The following OARD1 variants were observed in gnomAD, a reference collection of about 807,000 sequenced individuals.
OARD1 encodes O-acyl-ADP-ribose deacylase 1, also known as ADP-ribose glycohydrolase OARD1.
Under a neutral mutation model 19.7 loss-of-function variants are expected in OARD1, and 19 were observed. The observed-to-expected ratio is 0.96, with a 90% CI of 0.67 to 1.41. The LOEUF (loss-of-function observed/expected upper bound fraction) is 1.41. OARD1 is among the 40% of genes most tolerant of loss of function. The pLI is 0.00. For synonymous variants in OARD1, 70 were observed against 61.8 expected, an observed-to-expected ratio of 1.13 and a Z score of -0.62; for missense variants, 190 against 183.8, an observed-to-expected ratio of 1.03 and a Z score of -0.20.
In OARD1 at chr6:41,067,282, G is replaced by T; in HGVS notation, c.*53C>A. 1 of 1,191,794 alleles carries T rather than the reference G, an allele frequency of 8.4e-7. No individual in the cohort carries two copies. Among genetic ancestry groups the T allele is most frequent in the South Asian group, 1.2e-5 (1 of 80,434 alleles). The allele number at this position is 1,191,794 out of a possible 1,614,324, so 73.8% of individuals were successfully genotyped here. On this transcript the variant is annotated 3_prime_UTR_variant, in exon 6 of 6. Coordinates refer to ENST00000424266, the MANE Select transcript of OARD1 (RefSeq NM_001329686.2). Reference sequence around the variant, plus strand: ...TAAGGTAGGTTTGCCCGGTCCTATGGCCCAGTAGAGATGACACAGGAGAAC... The same window carrying T: ...TAAGGTAGGTTTGCCCGGTCCTATGTCCCAGTAGAGATGACACAGGAGAAC...
rs1762973427 is a variant in OARD1 at position 41,065,504 on chromosome 6, C to T, written c.*1831G>A. On this transcript the variant is annotated 3_prime_UTR_variant, in exon 6 of 6. Transcript: ENST00000424266. ...GTTTCTTATCCCCCACTCTCACTTT[C>T]AATTTTGTGTATTTAGATAATCTCT... is the stretch of plus-strand genomic sequence containing the variant. 1 of 152,144 alleles carries T rather than the reference C, an allele frequency of 6.6e-6. No individual in the cohort carries two copies. The highest frequency in any genetic ancestry group is 1.5e-5 in the Non-Finnish European group (1 of 68,012). The allele number at this position is 152,144 out of a possible 1,614,324, so 9.4% of individuals were successfully genotyped here. A position where few individuals can be genotyped will look rare whatever the true frequency, so the allele number is the denominator to read the frequency against.
chr6:41,092,591 G>A (rs1010842138), intron 1 of OARD1, among the ~76,000 whole-genome samples: 22 of 152,114 alleles, frequency 1.4e-4, no homozygotes, highest in African/African-American at 5.3e-4. Context: ...TTTTTGTGCT[G>A]TTTTTTTGTC....
rs1763001967 is a variant in OARD1 at position 41,066,203 on chromosome 6, T to C, written c.*1132A>G. 1.3e-5 allele frequency: 2 copies of C among 152,202 alleles called. No homozygotes were observed. The highest frequency in any genetic ancestry group is 2.9e-5 in the Non-Finnish European group (2 of 68,072). The allele number at this position is 152,202 out of a possible 1,614,324, so 9.4% of individuals were successfully genotyped here. On this transcript the variant is annotated 3_prime_UTR_variant, in exon 6 of 6. Coordinates refer to ENST00000424266, the MANE Select transcript of OARD1 (RefSeq NM_001329686.2). The stretch of plus-strand genomic sequence containing the variant: ...GTGCAGTGGCACAATCACAGCTCAA[T>C]GCAACTTCAACCTCCCAGGCTCAAG...
At chr6:41,081,981 T>C (rs1007089835) in intron 1 of OARD1, among the ~76,000 whole-genome samples, 17 of 152,248 alleles carry the variant, frequency 1.1e-4, no homozygotes, top group African/African-American at 4.1e-4. Flanking sequence ...CTACTCTGTG[T>C]ATGTAGGTTA....
At chr6:41,095,611 TG>T (rs1764331965) in intron 1 of OARD1, among the ~76,000 whole-genome samples, 2 of 152,180 alleles carry the variant, frequency 1.3e-5, no homozygotes, top group South Asian at 4.1e-4. Flanking sequence ...TTAAATTTTT[TG>T]TAGAAATGGA....
In OARD1 at chr6:41,066,418, GA is replaced by G. The variant is rs1426729206; in HGVS notation, c.*916del. 2.6e-5 allele frequency: 4 copies of G among 152,108 alleles called. No homozygotes were observed. Among genetic ancestry groups the G allele is most frequent in the Admixed American group, 2.6e-4 (4 of 15,276 alleles). The allele number at this position is 152,108 out of a possible 1,614,324, so 9.4% of individuals were successfully genotyped here. On this transcript the variant is annotated 3_prime_UTR_variant, in exon 6 of 6. Coordinates refer to ENST00000424266, the MANE Select transcript of OARD1 (RefSeq NM_001329686.2). ...CAAAGTGCTGAGATGACAGGTATGA[GA>G]ATTTTTTGAGAGGAAGTGGCCTTTA...
Position 41,067,167 on chromosome 6 carries a change from C to G in OARD1, c.*168G>C. 1 of 435,392 alleles carries G rather than the reference C, an allele frequency of 2.3e-6. No homozygotes were observed. The highest frequency in any genetic ancestry group is 4.2e-6 in the Non-Finnish European group (1 of 235,730). 27.0% of individuals were successfully genotyped at this position (435,392 alleles called of 1,614,324 possible). A position where few individuals can be genotyped will look rare whatever the true frequency, so the allele number is the denominator to read the frequency against. ...CCACATATCTTAAGCAAGCCCTCCTCCACAGTCATAATCCAAATACTTGAA... is the reference window on the plus strand; with the variant it reads ...CCACATATCTTAAGCAAGCCCTCCTGCACAGTCATAATCCAAATACTTGAA... On this transcript the variant is annotated 3_prime_UTR_variant, in exon 6 of 6. Transcript: ENST00000424266.
intron 1 of OARD1, chr6:41,091,493 G>T (rs766863453): frequency 4.4e-6 from 7 of 1,607,184 alleles, no homozygotes; most frequent in Non-Finnish European, 8.5e-7. Context: ...CTGTGTGCCT[G>T]TTTTTTGTTT....
chr6:41,069,583 T>C, intron 4 of OARD1: 1 of 199,458 alleles, frequency 5.0e-6, no homozygotes, highest in Non-Finnish European at 1.0e-5. Flanking sequence ...AATGCCATCC[T>C]GGACTGTTGA....
At chr6:41,089,832 A>G in intron 1 of OARD1, 1 of 1,402,018 alleles carries the variant, frequency 7.1e-7, no homozygotes. Flanking sequence ...AAAAAAATAT[A>G]TTTTTGGCCG....
chr6:41,089,532 A>T lies in OARD1; in HGVS notation c.-42+8181T>A, dbSNP rs182801943. On this transcript the variant is annotated intron_variant, in intron 1 of 4. Transcript: ENST00000480585. ...GGATAACTCTCGGGGACCAAAGGAG[A>T]CCAGTGTCAGTAGAGTACAATCCTT... The T allele has an allele frequency of 7.3e-6, 11 of 1,505,206 alleles. No homozygotes were observed. In the Admixed American group the frequency reaches 2.4e-4, roughly 33 times the overall value. The allele number at this position is 1,505,206 out of a possible 1,614,324, so 93.2% of individuals were successfully genotyped here.
At chr6:41,090,721 G>A (rs1764177865) in intron 1 of OARD1, among the ~76,000 whole-genome samples, 2 of 152,046 alleles carry the variant, frequency 1.3e-5, no homozygotes, top group African/African-American at 4.8e-5. Flanking sequence ...TACTAAGAAG[G>A]GTCCTCAAAG....
In OARD1 at chr6:41,091,675, A is replaced by G. The variant is rs773941672; in HGVS notation, c.-42+6038T>C. The G allele has an allele frequency of 8.7e-6, 14 of 1,613,218 alleles. No individual in the cohort carries two copies. Among genetic ancestry groups the G allele is most frequent in the African/African-American group, 1.3e-5 (1 of 74,910 alleles). On this transcript the variant is annotated intron_variant, in intron 1 of 4. Transcript: ENST00000480585. ...CTACCAGTGGCAGGCAATGTGGTCA[A>G]TTCAGGAGGGATGGTCATGGTAAGA...
chr6:41,074,355 C>T (rs143035660), upstream of OARD1, among the ~76,000 whole-genome samples: 32 of 152,212 alleles, frequency 2.1e-4, no homozygotes, highest in Non-Finnish European at 4.0e-4. Context: ...GGAGGGAGTA[C>T]GTAGAGGTCA....
At chr6:41,088,282 G>A (rs2113808505) in intron 1 of OARD1, among the ~76,000 whole-genome samples, 1 of 151,852 alleles carries the variant, frequency 6.6e-6, no homozygotes, top group African/African-American at 2.4e-5. Context: ...ATTAAGCCAG[G>A]CGTGATGGCG....
chr6:41,070,784 G>A (rs1261072477), intron 3 of OARD1: 6 of 496,928 alleles, frequency 1.2e-5, no homozygotes, highest in Non-Finnish European at 2.1e-5. Flanking sequence ...CTGTAAGGAA[G>A]AAGAGGTTTC....
intron 1 of OARD1, among the ~76,000 whole-genome samples, chr6:41,083,621 T>C (rs1017666994): frequency 3.3e-5 from 5 of 152,224 alleles, no homozygotes; most frequent in African/African-American, 1.2e-4. Flanking sequence ...TTCTTCACTT[T>C]ATTTAGAATT....
intron 1 of OARD1, chr6:41,080,954 C>G: frequency 7.2e-7 from 1 of 1,386,022 alleles, no homozygotes; most frequent in Non-Finnish European, 1.0e-6. Flanking sequence ...CTCCTCATGT[C>G]TGGTGCTGTT....
intron 1 of OARD1, chr6:41,093,127 AGG>A (rs763132465): frequency 1.2e-4 from 189 of 1,550,832 alleles, no homozygotes; most frequent in Non-Finnish European, 1.5e-4. Context: ...GGAGAATAGC[AGG>A]GTTCTACTTT....
Sources: allele counts gnomAD v4.1 joint callset (sites outside exome capture counted in the v4.1 genomes callset), GRCh38; gene constraint gnomAD v4.1.1; transcripts MANE v1.5; gene names NCBI Gene and HGNC (gene_info 2026-07-23, HGNC 2026-07-21).